KRT82: variants seen among roughly 807,000 people sequenced by gnomAD.
KRT82 encodes keratin, type II cuticular Hb2.
Under a neutral mutation model 48.0 loss-of-function variants are expected in KRT82, and 44 were observed. The observed-to-expected ratio is 0.92, with a 90% CI of 0.72 to 1.18. The LOEUF (loss-of-function observed/expected upper bound fraction) is 1.18. Among genes scored for constraint, KRT82 ranks in the 50% most tolerant of loss-of-function variants. The pLI, the probability that KRT82 is intolerant of heterozygous loss-of-function variation, is 0.00. For synonymous variants in KRT82, 297 were observed against 278.3 expected (o/e 1.07, Z -0.67); for missense variants, 701 against 671.4 (o/e 1.04, Z -0.49).
intron 8 of KRT82, 88 bp downstream of exon 8, chr12:52,395,671 G>T: frequency 2.1e-6 from 2 of 973,116 alleles, no homozygotes; most frequent in Non-Finnish European, 3.1e-6. Context: ...GGCATCAGAG[G>T]TCTAGGAAGG....
intron 2 of KRT82, among the ~76,000 whole-genome samples, chr12:52,401,841 G>A (rs758659268): frequency 6.6e-6 from 1 of 152,148 alleles, no homozygotes; most frequent in Non-Finnish European, 1.5e-5. Flanking sequence ...AGACAGCCAG[G>A]CTATTTCCTC....
At chr12:52,398,691 A>ACCAGGAGC (rs1408566234) in intron 5 of KRT82, among the ~76,000 whole-genome samples, 1 of 152,136 alleles carries the variant, frequency 6.6e-6, no homozygotes, top group Non-Finnish European at 1.5e-5. Context: ...AGACAGGTTC[A>ACCAGGAGC]CCAGGAGCTG....
At position 52,396,227 on chromosome 12, in the gene KRT82, G is replaced by A; in HGVS notation, c.1074C>T (p.Cys358=). Residue 358 remains cysteine, a synonymous_variant, in exon 7 of 9, where the codon TGC becomes TGT. Transcript: ENST00000257974. ...CCTCAGCTATGGCACCCTCAAGTTT[G>A]CAGCGCTGTGGGAGGGGCGCAGAAA... is the stretch of plus-strand genomic sequence containing the variant. ...QETENVKAQR[C]KLEGAIAEAE... The A allele has an allele frequency of 6.2e-7, 1 of 1,612,278 alleles. No homozygotes were observed. The highest frequency in any genetic ancestry group is 8.5e-7 in the Non-Finnish European group (1 of 1,179,870).
At chr12:52,395,232 G>T in intron 8 of KRT82, 37 bp from the exon 9 acceptor site, 1 of 1,540,912 alleles carries the variant, frequency 6.5e-7, no homozygotes, top group Non-Finnish European at 8.9e-7. Context: ...GGCCCCACAC[G>T]GTGTGGCTCT....
At chr12:52,402,647 TTC>T (rs1939804525) in intron 2 of KRT82, among the ~76,000 whole-genome samples, 1 of 152,236 alleles carries the variant, frequency 6.6e-6, no homozygotes, top group African/African-American at 2.4e-5. Context: ...CTCTCCCTTC[TTC>T]TCTGTTTGTG....
chr12:52,395,745 G>T lies in KRT82; in HGVS notation c.1321+14C>A. 2 of 1,558,722 alleles carry T rather than the reference G, an allele frequency of 1.3e-6. No individual in the cohort carries two copies. Among genetic ancestry groups the T allele is most frequent in the Admixed American group, 2.1e-5 (1 of 47,838 alleles). ...AAGACTCCAGAGCCAGTGGGGCATG[G>T]CTCATCTACTTACAGATATTCACGG... is the stretch of plus-strand genomic sequence containing the variant. On this transcript the variant is annotated intron_variant, in intron 8 of 8. Transcript: ENST00000257974.
rs761357095 is a variant in KRT82 at position 52,406,199 on chromosome 12, TCCG to T, written c.76_78del (p.Arg26del). On this transcript the variant is annotated inframe_deletion, in exon 1 of 9. Transcript: ENST00000257974. ...TTGCTCACTGCATAGTGGGTGACCATCCGGGGCATGACAGCCGAGTATGAGCTG... is the reference window on the plus strand; with the variant it reads ...TTGCTCACTGCATAGTGGGTGACCATGGGCATGACAGCCGAGTATGAGCTG... The T allele has an allele frequency of 1.1e-5, 17 of 1,613,368 alleles. No individual in the cohort carries two copies. The highest frequency in any genetic ancestry group is 1.3e-5 in the Non-Finnish European group (15 of 1,179,912).
chr12:52,405,000 A>T (rs1319356690), intron 1 of KRT82, among the ~76,000 whole-genome samples: 2 of 151,942 alleles, frequency 1.3e-5, no homozygotes, highest in Admixed American at 6.5e-5. Flanking sequence ...TTGCCCCTAA[A>T]CCTTACGGTC....
At chr12:52,399,162 T>A (rs1939753775) in intron 5 of KRT82, among the ~76,000 whole-genome samples, 1 of 152,144 alleles carries the variant, frequency 6.6e-6, no homozygotes, top group Admixed American at 6.5e-5. Flanking sequence ...ACTCCAACAC[T>A]CCCTACCCTT....
chr12:52,399,182 T>C (rs1467739980), intron 5 of KRT82, among the ~76,000 whole-genome samples: 1 of 152,208 alleles, frequency 6.6e-6, no homozygotes, highest in Non-Finnish European at 1.5e-5. Context: ...TCCCCTGGTT[T>C]ATTTGCTTCC....
Position 52,400,586 on chromosome 12 carries a change from C to G in KRT82, c.718G>C (p.Glu240Gln). The part of the protein sequence containing the change: ...DTAFLMKADL[E>Q]TNAEALVQEI... The stretch of plus-strand genomic sequence containing the variant: ...TGCACGAGTGCCTCTGCGTTGGTCT[C>G]CAGGTCAGCCTTCATCAGGAAGGCT... The change falls in exon 4 of 9, where the codon GAG (glutamate) becomes CAG (glutamine). Residue 240 changes from glutamate (E) to glutamine (Q), a missense_variant. By Grantham distance (29) the Glu-to-Gln change is conservative. Coordinates refer to ENST00000257974, the MANE Select transcript of KRT82 (RefSeq NM_033033.4). 1 of 1,614,038 alleles carries G rather than the reference C, an allele frequency of 6.2e-7. No homozygotes were observed. The highest frequency in any genetic ancestry group is 8.5e-7 in the Non-Finnish European group (1 of 1,179,944).
At chr12:52,396,375 TC>T in intron 6 of KRT82, 143 bp from the exon 7 acceptor site, 1 of 741,194 alleles carries the variant, frequency 1.3e-6, no homozygotes, top group Non-Finnish European at 2.2e-6. Context: ...ATCTGGTTCC[TC>T]CAGGGAACTG....
chr12:52,396,667 G>T (rs539121794), intron 6 of KRT82, among the ~76,000 whole-genome samples: 1 of 152,162 alleles, frequency 6.6e-6, no homozygotes, highest in Non-Finnish European at 1.5e-5. Context: ...TGGTCACCTC[G>T]TTTCTGTTGG....
In KRT82 at chr12:52,400,619, C is replaced by G; in HGVS notation, c.685G>C (p.Val229Leu). The change falls in exon 4 of 9, where the codon GTG becomes CTG. Residue 229 changes from valine (V) to leucine (L), a missense_variant. Val to Leu is a conservative substitution (Grantham distance 32). Transcript: ENST00000257974. Reference protein sequence around the residue: ...ENEFVALKKDVDTAFLMKADL... With the variant: ...ENEFVALKKDLDTAFLMKADL... ...GCCTTCATCAGGAAGGCTGTGTCCA[C>G]GTCCTGCAGCAGAGCAGGGACAGAA... The G allele has an allele frequency of 6.2e-7, 1 of 1,612,424 alleles. No homozygotes were observed. Among genetic ancestry groups the G allele is most frequent in the Non-Finnish European group, 8.5e-7 (1 of 1,178,618 alleles).
In KRT82 at chr12:52,396,990, T is replaced by C; in HGVS notation, c.961A>G (p.Thr321Ala). 6.2e-7 allele frequency: 1 copy of C among 1,613,966 alleles called. No individual in the cohort carries two copies. ...AGGTTGTCACAGTGGTTCCCAGCTG[T>C]GACTCTCAGCTCCTCATACTGCCAG... ...YQCRYEELRV[T>A]AGNHCDNLRN... Residue 321 changes from threonine to alanine, a missense_variant, in exon 6 of 9, where the codon ACA (threonine) becomes GCA (alanine). Physicochemically the swap from Thr to Ala is moderately conservative, Grantham distance 58 (BLOSUM62 0). Coordinates refer to ENST00000257974, the MANE Select transcript of KRT82 (RefSeq NM_033033.4).
chr12:52,395,264 C>T, intron 8 of KRT82, 69 bp from the exon 9 acceptor site: 1 of 1,318,430 alleles, frequency 7.6e-7, no homozygotes. Flanking sequence ...CCTGAAACTA[C>T]TCAGCCAGGC....
At chr12:52,400,669 A>C (rs1939777443) in intron 3 of KRT82, 47 bp from the exon 4 acceptor site, 9 of 1,374,484 alleles carry the variant, frequency 6.5e-6, no homozygotes, top group Non-Finnish European at 9.3e-6. Context: ...GCCACCTCCC[A>C]GGCAAGCTGG....
In KRT82 at chr12:52,406,108, A is replaced by G; in HGVS notation, c.170T>C (p.Leu57Pro). ...GGGCCTCCCAAAGCCCACGTTGCAC[A>G]GGCTCCGTGAGCCAAGGCAGCCCAG... ...RALGCLGSRSLCNVGFGRPRV... is the reference protein window; with the variant it reads ...RALGCLGSRSPCNVGFGRPRV... Residue 57 changes from leucine to proline, a missense_variant, in exon 1 of 9, where the codon CTG becomes CCG. By Grantham distance (98) the Leu-to-Pro change is moderately conservative. Coordinates refer to ENST00000257974, the MANE Select transcript of KRT82 (RefSeq NM_033033.4). 2 of 1,613,148 alleles carry G rather than the reference A, an allele frequency of 1.2e-6. No homozygotes were observed. Among genetic ancestry groups the G allele is most frequent in the Non-Finnish European group, 1.7e-6 (2 of 1,179,786 alleles).
chr12:52,404,891 G>A (rs1939832499), intron 1 of KRT82, among the ~76,000 whole-genome samples: 1 of 152,138 alleles, frequency 6.6e-6, no homozygotes, highest in African/African-American at 2.4e-5. Context: ...GGGCAGCACC[G>A]TCCAAAGGCC....
Sources: allele counts gnomAD v4.1 joint callset (sites outside exome capture counted in the v4.1 genomes callset), GRCh38; gene constraint gnomAD v4.1.1; transcripts MANE v1.5; gene names NCBI Gene and HGNC (gene_info 2026-07-23, HGNC 2026-07-21).